Variants in DGKB observed in about 807,000 individuals in gnomAD.
The protein encoded by DGKB is 90 kDa diacylglycerol kinase.
DGKB carries 67 observed loss-of-function variants against 114.3 expected under a neutral mutation model. The observed-to-expected ratio is 0.59, with a 90% CI of 0.48 to 0.72. The LOEUF (loss-of-function observed/expected upper bound fraction) is 0.72. Ranked by LOEUF, DGKB falls within the 30% of genes least tolerant of loss-of-function variation. The pLI is 0.00. For synonymous variants in DGKB, 398 were observed against 323.1 expected, an observed-to-expected ratio of 1.23 and a Z score of -2.49; for missense variants, 907 against 975.2, an observed-to-expected ratio of 0.93 and a Z score of 0.93.
At chr7:14,500,901 C>T (rs117391687) in intron 20 of DGKB, among the ~76,000 whole-genome samples, 1,687 of 151,864 alleles carry the variant, frequency 0.011, 13 homozygotes, top group South Asian at 0.018. Context: ...AATATGACAA[C>T]GGCTGTAAAC....
At chr7:14,576,367 T>A (rs1309966730) in intron 19 of DGKB, among the ~76,000 whole-genome samples, 1 of 151,802 alleles carries the variant, frequency 6.6e-6, no homozygotes, top group East Asian at 1.9e-4. Context: ...TAATTTCTTT[T>A]AAGAAGTATA....
intron 17 of DGKB, among the ~76,000 whole-genome samples, chr7:14,597,429 T>C (rs1228192782): frequency 6.6e-6 from 1 of 152,212 alleles, no homozygotes; most frequent in Non-Finnish European, 1.5e-5. Context: ...ATGATTTTAA[T>C]AGTTGTAAAT....
chr7:14,523,242 A>T lies in DGKB; in HGVS notation c.1771-45017T>A, dbSNP rs1790071659. Among the ~76,000 whole-genome samples the T allele has an allele frequency of 5.9e-5, 9 of 152,218 alleles. 1 individual carries two copies. Among genetic ancestry groups the T allele is most frequent in the Admixed American group, 5.9e-4 (9 of 15,272 alleles). ...TTTTCTCGGCAGTCATAATTTATCTAAAAACCACTTTATTTTGACACCATC... is the reference window on the plus strand; with the variant it reads ...TTTTCTCGGCAGTCATAATTTATCTTAAAACCACTTTATTTTGACACCATC... On this transcript the variant is annotated intron_variant, in intron 20 of 25. Transcript: ENST00000402815.
intron 20 of DGKB, among the ~76,000 whole-genome samples, chr7:14,515,442 T>C (rs372760079): frequency 5.3e-4 from 81 of 152,304 alleles, no homozygotes; most frequent in East Asian, 3.3e-3. Flanking sequence ...ACTTTTTCCC[T>C]GCTGTTACAA....
intron 2 of DGKB, among the ~76,000 whole-genome samples, chr7:14,823,836 C>G (rs1231027348): frequency 6.6e-6 from 1 of 152,116 alleles, no homozygotes; most frequent in African/African-American, 2.4e-5. Flanking sequence ...GCCTACTAAT[C>G]TATATTAACA....
At chr7:14,696,501 C>CAAAAAAA (rs35486620) in intron 8 of DGKB, among the ~76,000 whole-genome samples, 38 of 45,074 alleles carry the variant, frequency 8.4e-4, no homozygotes, top group Non-Finnish European at 1.1e-3. Flanking sequence ...GACTCCGTCT[C>CAAAAAAA]AAAAAAAAAA....
At chr7:14,429,795 C>T (rs1430807227) in intron 21 of DGKB, among the ~76,000 whole-genome samples, 1 of 152,058 alleles carries the variant, frequency 6.6e-6, no homozygotes, top group Non-Finnish European at 1.5e-5. Flanking sequence ...GTGGTGTGTG[C>T]CTGTAATCCC....
intron 2 of DGKB, among the ~76,000 whole-genome samples, chr7:14,792,730 G>GCATAATC (rs61564030): frequency 0.36 from 55,093 of 151,374 alleles, 11,500 homozygotes; most frequent in African/African-American, 0.59. Context: ...TCATCTTTTT[G>GCATAATC]CATAATCTTT....
chr7:14,213,997 T>G (rs1262782887), intron 23 of DGKB, among the ~76,000 whole-genome samples: 1 of 152,144 alleles, frequency 6.6e-6, no homozygotes, highest in Non-Finnish European at 1.5e-5. Flanking sequence ...TCTTCCTCTT[T>G]TTCTCTCTTG....
At position 14,701,687 on chromosome 7, in the gene DGKB, G is replaced by C; in HGVS notation, c.510C>G (p.Asp170Glu). 1 of 1,610,432 alleles carries C rather than the reference G, an allele frequency of 6.2e-7. No individual in the cohort carries two copies. Among genetic ancestry groups the C allele is most frequent in the Non-Finnish European group, 8.5e-7 (1 of 1,176,956 alleles). ...LYDTDGNGFL[D>E]SSELENIISQ... The stretch of plus-strand genomic sequence containing the variant: ...CTTTGAAGAAAAAAATTACCGAGCT[G>C]TCCAGGAAGCCATTCCCATCCGTGT... The change falls in exon 7 of 26, where the codon GAC (aspartate) becomes GAG (glutamate). Residue 170 changes from aspartate to glutamate, a missense_variant. Asp to Glu is a conservative substitution (Grantham distance 45). Around this residue, in one of 3 missense-constraint regions of DGKB, gnomAD observed 814 missense variants for 856.6 expected, o/e 0.95. Coordinates refer to ENST00000402815, the MANE Select transcript of DGKB (RefSeq NM_001350709.2).
chr7:14,724,690 T>A (rs1378033769), intron 5 of DGKB, among the ~76,000 whole-genome samples: 1 of 152,226 alleles, frequency 6.6e-6, no homozygotes, highest in Non-Finnish European at 1.5e-5. Context: ...TGTACAGTGG[T>A]CTTATTTGAC....
rs542140574 is a variant in DGKB at position 14,778,342 on chromosome 7, C to T, written c.71-20611G>A. Among the ~76,000 whole-genome samples, 17 of 152,172 alleles carry T rather than the reference C, an allele frequency of 1.1e-4. No homozygotes were observed. The South Asian group carries it at 2.9e-3, about 26-fold the overall frequency. On this transcript the variant is annotated intron_variant, in intron 2 of 25. Transcript: ENST00000402815. ...GCAGTCTCCATTAAGCTAATACCCA[C>T]GACCTGTTTTCTTGTTTTTTTTTCA...
chr7:14,573,615 T>A (rs561244432), intron 20 of DGKB, among the ~76,000 whole-genome samples: 70 of 152,152 alleles, frequency 4.6e-4, no homozygotes, highest in African/African-American at 1.7e-3. Context: ...TAAAAATATA[T>A]ATAAAATCAC....
Position 14,576,811 on chromosome 7 carries a change from T to C in DGKB, c.1610-2439A>G, listed in dbSNP as rs531810470. Among the ~76,000 whole-genome samples the C allele has an allele frequency of 2.4e-3, 370 of 152,218 alleles. 2 individuals are homozygous for C. Among genetic ancestry groups the C allele is most frequent in the Non-Finnish European group, 4.4e-3 (297 of 68,006 alleles). On this transcript the variant is annotated intron_variant, in intron 19 of 25. Coordinates refer to ENST00000402815, the MANE Select transcript of DGKB (RefSeq NM_001350709.2). Reference sequence around the variant, plus strand: ...CTTAAAATCTTTACCACTGGATATGTGTGTAGGGATTTTTATGACTAAACA... The same window carrying C: ...CTTAAAATCTTTACCACTGGATATGCGTGTAGGGATTTTTATGACTAAACA...
At chr7:14,859,074 A>T (rs750471973) in intron 1 of DGKB, among the ~76,000 whole-genome samples, 55 of 152,110 alleles carry the variant, frequency 3.6e-4, no homozygotes, top group Non-Finnish European at 6.5e-4. Flanking sequence ...TCAAAGTCTG[A>T]CCTGGGATTA....
intron 1 of DGKB, among the ~76,000 whole-genome samples, chr7:14,857,876 T>A (rs1168866947): frequency 6.6e-6 from 1 of 152,178 alleles, no homozygotes; most frequent in African/African-American, 2.4e-5. Context: ...ACTTTTTTCA[T>A]ACCACATTCA....
chr7:14,890,062 C>T (rs1392776348), intron 1 of DGKB, among the ~76,000 whole-genome samples: 2 of 151,406 alleles, frequency 1.3e-5, no homozygotes, highest in Non-Finnish European at 3.0e-5. Flanking sequence ...AATGATATTC[C>T]TCAGTCTGAG....
At chr7:14,186,498 T>A (rs1485100972) in intron 23 of DGKB, among the ~76,000 whole-genome samples, 1 of 152,192 alleles carries the variant, frequency 6.6e-6, no homozygotes, top group Non-Finnish European at 1.5e-5. Context: ...TACCATTTGA[T>A]CTAGCAGTCC....
At chr7:14,215,026 G>A (rs1426444483) in intron 23 of DGKB, among the ~76,000 whole-genome samples, 3 of 152,114 alleles carry the variant, frequency 2.0e-5, no homozygotes, top group African/African-American at 7.2e-5. Context: ...AGTTCATGCT[G>A]AAATAGAGGA....
Sources: allele counts gnomAD v4.1 joint callset (sites outside exome capture counted in the v4.1 genomes callset), GRCh38; gene constraint gnomAD v4.1.1; regional missense constraint gnomAD v4.1.1; transcripts MANE v1.5; gene names NCBI Gene and HGNC (gene_info 2026-07-23, HGNC 2026-07-21).